RAB12: variants seen among roughly 807,000 people sequenced by gnomAD.
RAB12 encodes RAB12, member RAS oncogene family.
Under a neutral mutation model 28.4 loss-of-function variants are expected in RAB12, and 11 were observed. The ratio of observed to expected loss-of-function variants is 0.39; its 90% confidence interval spans 0.24 to 0.64. RAB12 has a LOEUF of 0.64. RAB12 is among the 30% of genes least tolerant of loss of function. The pLI is 0.50. For missense variants in RAB12, 276 were observed against 351.1 expected, an observed-to-expected ratio of 0.79 and a Z score of 1.71; for synonymous variants, 138 against 145.3, an observed-to-expected ratio of 0.95 and a Z score of 0.36.
intron 1 of RAB12, 173 bp downstream of exon 1, chr18:8,610,126 G>A (rs1289002126): frequency 1.5e-5 from 8 of 536,402 alleles, no homozygotes; most frequent in African/African-American, 4.0e-5. Context: ...CCAAAGCCTG[G>A]CAGAGGTTTT....
chr18:8,638,453 A>G lies in RAB12; in HGVS notation c.*191A>G. ...TTATAAGTTACCTATTTCCCTCCAAATTATTATATTTCATTCATTACCCCA... is the reference window on the plus strand; with the variant it reads ...TTATAAGTTACCTATTTCCCTCCAAGTTATTATATTTCATTCATTACCCCA... On this transcript the variant is annotated 3_prime_UTR_variant, in exon 6 of 6. Coordinates refer to ENST00000649141, the MANE Select transcript of RAB12 (RefSeq NM_001025300.3). 7.2e-6 allele frequency: 4 copies of G among 554,642 alleles called. No individual in the cohort carries two copies. In the South Asian group the frequency reaches 8.2e-5, roughly 11 times the overall value. 34.4% of individuals were successfully genotyped at this position (554,642 alleles called of 1,614,324 possible). A position where few individuals can be genotyped will look rare whatever the true frequency, so the allele number is the denominator to read the frequency against.
rs1390058340 is a variant in RAB12 at position 8,633,288 on chromosome 18, A to T, written c.675A>T (p.Thr225=). The T allele has an allele frequency of 1.2e-6, 2 of 1,614,110 alleles. No individual in the cohort carries two copies. The highest frequency in any genetic ancestry group is 4.5e-5 in the East Asian group (2 of 44,870). ...TATATGATATCACTAAGAAGGAGAC[A>T]TTTGATGATTTGCCGAAATGGATGA... The part of the protein sequence containing the change: ...ILVYDITKKE[T]FDDLPKWMKM... Residue 225 remains threonine (T), a synonymous_variant, in exon 3 of 6, where the codon ACA becomes ACT. Coordinates refer to ENST00000649141, the MANE Select transcript of RAB12 (RefSeq NM_001025300.3).
intron 1 of RAB12, among the ~76,000 whole-genome samples, chr18:8,620,224 C>T (rs1307698382): frequency 8.0e-6 from 1 of 125,082 alleles, no homozygotes; most frequent in African/African-American, 3.1e-5. Flanking sequence ...AATACTGTAT[C>T]TCTGTAGCCT....
Position 8,639,147 on chromosome 18 carries a change from C to CTTTTTGT in RAB12, c.*890_*891insGTTTTTT, listed in dbSNP as rs1567898835. 2 of 16,024 alleles carry CTTTTTGT rather than the reference C, an allele frequency of 1.2e-4. No homozygotes were observed. Among genetic ancestry groups the CTTTTTGT allele is most frequent in the Non-Finnish European group, 1.3e-4 (1 of 7,590 alleles). The allele number at this position is 16,024 out of a possible 1,614,324, so 1.0% of individuals were successfully genotyped here. On this transcript the variant is annotated 3_prime_UTR_variant, in exon 6 of 6. Transcript: ENST00000649141. ...ATTCTGATTAAGCCTAGACTGTGTTCTTTTTTTTTTTTTTTTTTTTTTTTT... is the reference window on the plus strand; with the variant it reads ...ATTCTGATTAAGCCTAGACTGTGTTCTTTTTGTTTTTTTTTTTTTTTTTTTTTTTTTT...
intron 2 of RAB12, among the ~76,000 whole-genome samples, chr18:8,629,804 TCTC>T (rs1025573626): frequency 2.6e-5 from 4 of 152,252 alleles, no homozygotes; most frequent in Middle Eastern, 3.4e-3. Flanking sequence ...AGGGAAGTGT[TCTC>T]CTCCCCTTTC....
intron 1 of RAB12, among the ~76,000 whole-genome samples, chr18:8,622,416 T>G (rs2096010391): frequency 6.6e-6 from 1 of 152,134 alleles, no homozygotes; most frequent in African/African-American, 2.4e-5. Context: ...ATTTTAAAGC[T>G]GGGCATCCAG....
At chr18:8,619,575 CT>C (rs1357916248) in intron 1 of RAB12, among the ~76,000 whole-genome samples, 1 of 152,178 alleles carries the variant, frequency 6.6e-6, no homozygotes, top group African/African-American at 2.4e-5. Context: ...ACATCTCACG[CT>C]TTTCTCTCTT....
At chr18:8,626,187 C>T (rs1331228855) in intron 2 of RAB12, among the ~76,000 whole-genome samples, 1 of 152,196 alleles carries the variant, frequency 6.6e-6, no homozygotes, top group Admixed American at 6.5e-5. Context: ...GTGCTAGTCC[C>T]GCAGACTTTT....
At chr18:8,619,240 G>A (rs1366705246) in intron 1 of RAB12, among the ~76,000 whole-genome samples, 1 of 152,190 alleles carries the variant, frequency 6.6e-6, no homozygotes, top group Non-Finnish European at 1.5e-5. Context: ...CCTGGGCATG[G>A]AAGAAGAGGG....
At chr18:8,632,750 G>A in intron 2 of RAB12, 1 of 216,764 alleles carries the variant, frequency 4.6e-6, no homozygotes, top group Non-Finnish European at 8.9e-6. Flanking sequence ...TCTTGGGTAT[G>A]ACAAATGGTT....
At chr18:8,613,014 T>G (rs973962170) in intron 1 of RAB12, among the ~76,000 whole-genome samples, 1 of 152,262 alleles carries the variant, frequency 6.6e-6, no homozygotes, top group African/African-American at 2.4e-5. Flanking sequence ...AGATCCGTAG[T>G]GGAAGTCCTT....
intron 3 of RAB12, among the ~76,000 whole-genome samples, chr18:8,634,430 A>G (rs1214952301): frequency 6.6e-6 from 1 of 151,560 alleles, no homozygotes; most frequent in African/African-American, 2.4e-5. Flanking sequence ...ACATCAGTGG[A>G]TACTGATGTT....
At chr18:8,614,505 TAA>T (rs763826653) in intron 1 of RAB12, among the ~76,000 whole-genome samples, 2 of 87,256 alleles carry the variant, frequency 2.3e-5, no homozygotes, top group Admixed American at 1.2e-4. Context: ...GTAAGAACAT[TAA>T]AAAAAAAAAA....
chr18:8,632,895 TTC>T, intron 2 of RAB12: 1 of 336,752 alleles, frequency 3.0e-6, no homozygotes. Context: ...GTTGCTGATT[TTC>T]TGTCTTGAGG....
chr18:8,635,948 T>G, intron 4 of RAB12: 2 of 451,468 alleles, frequency 4.4e-6, no homozygotes, highest in South Asian at 6.0e-5. Flanking sequence ...TTGCTAAGGA[T>G]TGAATCATGG....
At chr18:8,618,443 A>G (rs2096007879) in intron 1 of RAB12, among the ~76,000 whole-genome samples, 1 of 152,086 alleles carries the variant, frequency 6.6e-6, no homozygotes, top group African/African-American at 2.4e-5. Flanking sequence ...AGGAAAAGCC[A>G]GATAATATTA....
intron 2 of RAB12, among the ~76,000 whole-genome samples, chr18:8,626,686 T>C (rs1236739405): frequency 6.6e-6 from 1 of 152,242 alleles, no homozygotes; most frequent in Non-Finnish European, 1.5e-5. Context: ...AGTGAGATAC[T>C]GTGGCTCCAC....
chr18:8,635,663 T>G, intron 4 of RAB12, 41 bp downstream of exon 4: 1 of 1,312,904 alleles, frequency 7.6e-7, no homozygotes, highest in Non-Finnish European at 1.1e-6. Flanking sequence ...ACACTGTGCT[T>G]AGCGCTTGAG....
chr18:8,636,273 G>A lies in RAB12; in HGVS notation c.825G>A (p.Gly275=), dbSNP rs1241336491. The A allele has an allele frequency of 6.2e-7, 1 of 1,613,150 alleles. No individual in the cohort carries two copies. Among genetic ancestry groups the A allele is most frequent in the African/African-American group, 1.3e-5 (1 of 74,890 alleles). ...QGEKFAQQIT[G]MRFCEASAKD... Reference sequence around the variant, plus strand: ...CTCAGTTTGCACAGCAGATCACTGGGATGCGGTTCTGTGAAGCAAGTGCCA... The same window carrying A: ...CTCAGTTTGCACAGCAGATCACTGGAATGCGGTTCTGTGAAGCAAGTGCCA... The change falls in exon 5 of 6, where the codon GGG becomes GGA. Residue 275 remains glycine (G), a synonymous_variant. Transcript: ENST00000649141.
Sources: gnomAD v4.1 joint callset for allele counts (sites outside exome capture counted in the v4.1 genomes callset) on GRCh38, gnomAD v4.1.1 for gene constraint, MANE v1.5 for transcripts, NCBI Gene and HGNC (gene_info 2026-07-23, HGNC 2026-07-21) for gene names.